Variants in PAK2 observed in about 807,000 individuals in gnomAD.
PAK2 encodes serine/threonine-protein kinase PAK 2.
Under a neutral mutation model 65.9 loss-of-function variants are expected in PAK2, and 21 were observed. The observed-to-expected ratio is 0.32, with a 90% CI of 0.23 to 0.46. The LOEUF is 0.46. Among genes scored for constraint, PAK2 ranks in the 20% least tolerant of loss-of-function variants. The pLI, the probability that PAK2 is intolerant of heterozygous loss-of-function variation, is 1.00. For synonymous variants in PAK2, 204 were observed against 219.7 expected (o/e 0.93, Z 0.63); for missense variants, 324 against 642.6 (o/e 0.50, Z 5.36).
At chr3:196,751,674 C>CATACATATATATAT (rs1553799657) in intron 1 of PAK2, among the ~76,000 whole-genome samples, 1 of 71,822 alleles carries the variant, frequency 1.4e-5, no homozygotes, top group East Asian at 2.8e-4. Context: ...TATTTATATA[C>CATACATATATATAT]ATATATATAT....
At chr3:196,768,659 CTTTATTTTTA>C (rs1714261233) in intron 1 of PAK2, among the ~76,000 whole-genome samples, 1 of 151,300 alleles carries the variant, frequency 6.6e-6, no homozygotes, top group African/African-American at 2.4e-5. Flanking sequence ...CCAGCTAATT[CTTTATTTTTA>C]TTTATTTTTA....
chr3:196,822,697 C>G (rs1444977577), intron 13 of PAK2, among the ~76,000 whole-genome samples: 2 of 151,108 alleles, frequency 1.3e-5, no homozygotes, highest in African/African-American at 4.9e-5. Flanking sequence ...GGACCTGTCT[C>G]AAAAAAAATA....
Position 196,812,949 on chromosome 3 carries a change from G to C in PAK2, c.935+98G>C, listed in dbSNP as rs905286817. 2.4e-5 allele frequency: 15 copies of C among 617,790 alleles called. No individual in the cohort carries two copies. In the Admixed American group the frequency reaches 3.7e-4, roughly 15 times the overall value. 38.3% of individuals were successfully genotyped at this position (617,790 alleles called of 1,614,324 possible). A position where few individuals can be genotyped will look rare whatever the true frequency, so the allele number is the denominator to read the frequency against. ...CTGGCCACTTTGGAATAAACTGTCA[G>C]TGCCGAGAAATAAGATGGAAGAAAG... On this transcript the variant is annotated intron_variant, in intron 10 of 14. Transcript: ENST00000327134.
rs139277286 is a variant in PAK2 at position 196,825,638 on chromosome 3, G to A, written c.1351-1558G>A. On this transcript the variant is annotated intron_variant, in intron 13 of 14. Transcript: ENST00000327134. The stretch of plus-strand genomic sequence containing the variant: ...AGCCTGGGCCACAGAGCCAGACTCC[G>A]TCTCAAAAATAAATAATAAATAAAT... Among the ~76,000 whole-genome samples the A allele has an allele frequency of 1.6e-3, 236 of 151,944 alleles. 3 individuals are homozygous for A. Among genetic ancestry groups the A allele is most frequent in the African/African-American group, 5.1e-3 (212 of 41,424 alleles).
At chr3:196,789,612 G>A (rs1468442394) in intron 2 of PAK2, among the ~76,000 whole-genome samples, 2 of 151,962 alleles carry the variant, frequency 1.3e-5, no homozygotes, top group Admixed American at 6.6e-5. Context: ...AGAGGTGCAC[G>A]CCACCACGCC....
intron 2 of PAK2, among the ~76,000 whole-genome samples, chr3:196,794,369 T>C (rs1715176200): frequency 6.6e-6 from 1 of 151,858 alleles, no homozygotes; most frequent in South Asian, 2.1e-4. Flanking sequence ...ATCCAAGAAC[T>C]CAGATATGAG....
intron 1 of PAK2, among the ~76,000 whole-genome samples, chr3:196,747,944 T>C (rs1165849421): frequency 6.6e-6 from 1 of 152,186 alleles, no homozygotes; most frequent in African/African-American, 2.4e-5. Flanking sequence ...TCTTTCATGA[T>C]CACCTCTGCC....
chr3:196,778,602 A>C (rs914013044), intron 1 of PAK2, among the ~76,000 whole-genome samples: 1 of 152,230 alleles, frequency 6.6e-6, no homozygotes, highest in Non-Finnish European at 1.5e-5. Context: ...ACGTATGTCA[A>C]AACAAAGCAG....
chr3:196,804,773 C>T (rs57831537), intron 4 of PAK2, among the ~76,000 whole-genome samples: 36,010 of 149,512 alleles, frequency 0.24, 4,506 homozygotes, highest in East Asian at 0.31. Flanking sequence ...CCGGCCTGTG[C>T]GTATGTAATA....
At chr3:196,809,079 A>G (rs1035693053) in intron 7 of PAK2, among the ~76,000 whole-genome samples, 15 of 151,062 alleles carry the variant, frequency 9.9e-5, no homozygotes, top group African/African-American at 3.6e-4. Flanking sequence ...CCCCCTCAAA[A>G]AAAAAAGAAA....
intron 1 of PAK2, among the ~76,000 whole-genome samples, chr3:196,754,069 T>C (rs776016805): frequency 2.0e-5 from 3 of 152,214 alleles, no homozygotes; most frequent in Non-Finnish European, 2.9e-5. Context: ...ATGTTGGCTT[T>C]ATTTCTGCTA....
chr3:196,780,959 T>G (rs1021044371), intron 1 of PAK2, among the ~76,000 whole-genome samples: 1 of 152,094 alleles, frequency 6.6e-6, no homozygotes, highest in Non-Finnish European at 1.5e-5. Flanking sequence ...TGGCTAACTT[T>G]TTGTGTGTTT....
intron 13 of PAK2, among the ~76,000 whole-genome samples, chr3:196,825,448 C>T (rs1030869643): frequency 1.3e-5 from 2 of 151,644 alleles, no homozygotes; most frequent in Non-Finnish European, 2.9e-5. Context: ...TTAAGACCAG[C>T]CTGGCCAACA....
intron 7 of PAK2, 150 bp from the exon 8 acceptor site, chr3:196,810,440 T>A (rs1715738349): frequency 1.6e-6 from 1 of 627,268 alleles, no homozygotes; most frequent in Admixed American, 3.0e-5. Flanking sequence ...CTTTAGTGTT[T>A]TGTGTTTGAA....
At chr3:196,821,210 C>T (rs1281313856) in intron 13 of PAK2, among the ~76,000 whole-genome samples, 1 of 151,878 alleles carries the variant, frequency 6.6e-6, no homozygotes, top group East Asian at 1.9e-4. Context: ...TAAATCAAAA[C>T]CTCAACAATC....
chr3:196,826,649 C>G (rs1010447681), intron 13 of PAK2, among the ~76,000 whole-genome samples: 3 of 151,908 alleles, frequency 2.0e-5, no homozygotes, highest in African/African-American at 4.8e-5. Flanking sequence ...GGGCTGGGCA[C>G]AGTGGCTCAC....
chr3:196,810,851 CTG>C (rs1715755143), intron 8 of PAK2, among the ~76,000 whole-genome samples, 198 bp downstream of exon 8: 1 of 151,950 alleles, frequency 6.6e-6, no homozygotes, highest in African/African-American at 2.4e-5. Context: ...TTAGCAATGA[CTG>C]TGTATCATTA....
At chr3:196,787,574 G>A (rs189489298) in intron 2 of PAK2, among the ~76,000 whole-genome samples, 5 of 125,798 alleles carry the variant, frequency 4.0e-5, no homozygotes, top group Admixed American at 1.7e-4. Context: ...GCGAGACTCC[G>A]TCTCAGAAAA....
chr3:196,773,905 G>C (rs1052860671), intron 1 of PAK2, among the ~76,000 whole-genome samples: 1 of 151,840 alleles, frequency 6.6e-6, no homozygotes, highest in African/African-American at 2.4e-5. Flanking sequence ...AGCCGGGCGT[G>C]GTGGCGCACT....
Sources: gnomAD v4.1 joint callset for allele counts (sites outside exome capture counted in the v4.1 genomes callset) on GRCh38, gnomAD v4.1.1 for gene constraint, MANE v1.5 for transcripts, NCBI Gene and HGNC (gene_info 2026-07-23, HGNC 2026-07-21) for gene names.